Variants in CNOT2 observed in about 807,000 individuals in gnomAD.
The protein encoded by CNOT2 is CC chemokine receptor 4-negative regulator of transcription 2.
A neutral mutation model predicts 72.1 loss-of-function variants in CNOT2; 7 were observed. That is an observed-to-expected ratio of 0.10 (90% CI 0.06 to 0.18). The LOEUF is 0.18. Ranked by LOEUF, CNOT2 falls within the 10% of genes least tolerant of loss-of-function variation. The pLI is 1.00. For missense variants in CNOT2, 345 were observed against 660.3 expected (o/e 0.52, Z 5.23); for synonymous variants, 196 against 225.6 (o/e 0.87, Z 1.17).
intron 14 of CNOT2, chr12:70,345,963 T>C (rs1882112424): frequency 6.9e-6 from 3 of 434,712 alleles, no homozygotes; most frequent in Non-Finnish European, 1.2e-5. Flanking sequence ...AAAGTGTGTG[T>C]ATTAATTAGT....
chr12:70,314,211 G>T (rs1469986444), intron 3 of CNOT2, among the ~76,000 whole-genome samples: 2 of 152,022 alleles, frequency 1.3e-5, no homozygotes, highest in Non-Finnish European at 2.9e-5. Context: ...ATAACAAACT[G>T]CCATGTAAAA....
At chr12:70,318,267 C>T (rs530409693) in intron 3 of CNOT2, among the ~76,000 whole-genome samples, 5 of 152,010 alleles carry the variant, frequency 3.3e-5, no homozygotes, top group Non-Finnish European at 4.4e-5. Flanking sequence ...TTCTTCTATG[C>T]CATAACATGG....
chr12:70,244,047 G>C (rs1957738163), intron 1 of CNOT2: 1 of 152,344 alleles, frequency 6.6e-6, no homozygotes, highest in Admixed American at 6.5e-5. Flanking sequence ...ATTTCTGTTA[G>C]TGTGTTTGCA....
intron 1 of CNOT2, among the ~76,000 whole-genome samples, chr12:70,254,996 A>AAAAG (rs1958358962): frequency 6.7e-6 from 1 of 149,554 alleles, no homozygotes; most frequent in Non-Finnish European, 1.5e-5. Flanking sequence ...AAAAAAAAAA[A>AAAAG]AAGAAGAAGA....
intron 5 of CNOT2, 44 bp from the exon 6 acceptor site, chr12:70,330,243 G>T: frequency 1.1e-6 from 1 of 901,030 alleles, no homozygotes; most frequent in Middle Eastern, 2.3e-4. Flanking sequence ...ATTTTAATGA[G>T]TGATTGTAGA....
intron 15 of CNOT2, among the ~76,000 whole-genome samples, chr12:70,352,447 C>G (rs1044151659): frequency 1.3e-5 from 2 of 152,058 alleles, no homozygotes; most frequent in Non-Finnish European, 2.9e-5. Context: ...AGTGTAATAT[C>G]TTTAAATTTT....
intron 11 of CNOT2, among the ~76,000 whole-genome samples, chr12:70,339,222 T>G (rs1474730235): frequency 6.6e-6 from 1 of 152,034 alleles, no homozygotes; most frequent in African/African-American, 2.4e-5. Context: ...CTAGTCATTG[T>G]TCGTAACTGC....
At chr12:70,293,280 C>T (rs917515333) in intron 2 of CNOT2, among the ~76,000 whole-genome samples, 2 of 151,972 alleles carry the variant, frequency 1.3e-5, no homozygotes, top group African/African-American at 4.8e-5. Context: ...CCTGCCTCCG[C>T]CTCCCGAGTA....
intron 2 of CNOT2, among the ~76,000 whole-genome samples, chr12:70,301,203 G>A (rs570957674): frequency 2.3e-3 from 356 of 152,132 alleles, no homozygotes; most frequent in Middle Eastern, 0.014. Flanking sequence ...CTAATTGAAT[G>A]CCCTTTATTT....
chr12:70,271,322 A>G (rs775975127), intron 1 of CNOT2, among the ~76,000 whole-genome samples: 9 of 150,804 alleles, frequency 6.0e-5, no homozygotes, highest in African/African-American at 2.0e-4. Flanking sequence ...TCATAAATCA[A>G]TTACTGACAA....
At chr12:70,337,174 T>A in intron 8 of CNOT2, 1 of 373,468 alleles carries the variant, frequency 2.7e-6, no homozygotes, top group Non-Finnish European at 4.9e-6. Context: ...ACTGTTGATT[T>A]CCCTTGTATT....
chr12:70,329,311 T>G (rs1019021107), intron 4 of CNOT2, 112 bp from the exon 5 acceptor site: 3 of 661,450 alleles, frequency 4.5e-6, no homozygotes, highest in Non-Finnish European at 7.8e-6. Context: ...CATTTAAAAT[T>G]TGCGTACTAT....
chr12:70,259,164 C>T lies in CNOT2; in HGVS notation c.-96+15684C>T, dbSNP rs1958613119. Among the ~76,000 whole-genome samples the T allele has an allele frequency of 2.6e-5, 4 of 152,132 alleles. No individual in the cohort carries two copies. In the South Asian group the frequency reaches 8.3e-4, roughly 31 times the overall value. ...GTCACATAAGCTAGCCAGTAAGATC[C>T]AGAGTCAGGTCTTTGACTTCAAAAC... On this transcript the variant is annotated intron_variant, in intron 1 of 15. Coordinates refer to ENST00000229195, the MANE Select transcript of CNOT2 (RefSeq NM_014515.7).
chr12:70,320,477 G>A (rs1423571935), intron 4 of CNOT2, among the ~76,000 whole-genome samples: 3 of 151,596 alleles, frequency 2.0e-5, no homozygotes, highest in Non-Finnish European at 4.4e-5. Context: ...AGAATTAGTA[G>A]ATAAAAGTTA....
intron 13 of CNOT2, chr12:70,343,902 A>G: frequency 2.5e-6 from 1 of 400,594 alleles, no homozygotes; most frequent in East Asian, 4.0e-5. Flanking sequence ...CAGCATATCA[A>G]TTAGATGTAT....
intron 4 of CNOT2, among the ~76,000 whole-genome samples, chr12:70,329,221 T>C (rs947004337): frequency 1.3e-5 from 2 of 151,962 alleles, no homozygotes; most frequent in African/African-American, 4.8e-5. Flanking sequence ...GAAAGAAATA[T>C]CCATTCATAA....
chr12:70,251,014 G>A (rs1231435135), intron 1 of CNOT2, among the ~76,000 whole-genome samples: 1 of 152,150 alleles, frequency 6.6e-6, no homozygotes, highest in Non-Finnish European at 1.5e-5. Context: ...GGGTTGAGGG[G>A]TGGTCTGTCT....
At chr12:70,309,279 T>C (rs931015518) in intron 2 of CNOT2, among the ~76,000 whole-genome samples, 10 of 152,162 alleles carry the variant, frequency 6.6e-5, no homozygotes, top group Non-Finnish European at 4.4e-5. Flanking sequence ...AAAATATCTT[T>C]GTATATTTCA....
At chr12:70,330,649 T>C in intron 6 of CNOT2, 180 bp downstream of exon 6, 1 of 458,434 alleles carries the variant, frequency 2.2e-6, no homozygotes, top group Non-Finnish European at 3.8e-6. Flanking sequence ...GAAAATCAGG[T>C]TGATTTTGGA....
Sources: allele counts gnomAD v4.1 joint callset (sites outside exome capture counted in the v4.1 genomes callset), GRCh38; gene constraint gnomAD v4.1.1; transcripts MANE v1.5; gene names NCBI Gene and HGNC (gene_info 2026-07-23, HGNC 2026-07-21).